The following SLCO4C1 variants were observed in gnomAD, a reference collection of about 807,000 sequenced individuals.
SLCO4C1 encodes the protein solute carrier organic anion transporter family member 4C1.
Under a neutral mutation model 72.1 loss-of-function variants are expected in SLCO4C1, and 58 were observed. The observed-to-expected ratio is 0.80, with a 90% CI of 0.65 to 1.00. The LOEUF is 1.00. Among genes scored for constraint, SLCO4C1 ranks in the 50% least tolerant of loss-of-function variants. SLCO4C1 has a pLI of 0.00. For synonymous variants in SLCO4C1, 297 were observed against 312.5 expected (o/e 0.95, Z 0.52); for missense variants, 898 against 857.9 (o/e 1.05, Z -0.58).
At chr5:102,295,848 G>C in intron 1 of SLCO4C1, 60 bp downstream of exon 1, 1 of 1,498,652 alleles carries the variant, frequency 6.7e-7, no homozygotes, top group Non-Finnish European at 9.0e-7. Flanking sequence ...CCCCCGGCTG[G>C]CTCGCCGTGC....
chr5:102,247,365 T>A lies in SLCO4C1; in HGVS notation c.1698A>T (p.Lys566Asn). 6.3e-7 allele frequency: 1 copy of A among 1,597,640 alleles called. No homozygotes were observed. The highest frequency in any genetic ancestry group is 1.7e-4 in the Middle Eastern group (1 of 6,016). ...CACAATGAGTTTCACATTTTCCAGC[T>A]TTAGCTTCAAAACCAAAAGTTTCTG... ...STAETFGFEA[K>N]AGKCETHCAK... Residue 566 changes from lysine to asparagine, a missense_variant, in exon 10 of 13, where the codon AAA becomes AAT. By Grantham distance (94) the Lys-to-Asn change is moderately conservative. Transcript: ENST00000310954.
intron 2 of SLCO4C1, among the ~76,000 whole-genome samples, chr5:102,277,170 G>A (rs1749261595): frequency 6.6e-6 from 1 of 152,024 alleles, no homozygotes. Context: ...GCTTGGCAAG[G>A]CAGAAAAATT....
At chr5:102,278,305 G>A (rs77967033) in intron 2 of SLCO4C1, among the ~76,000 whole-genome samples, 3,858 of 152,182 alleles carry the variant, frequency 0.025, 49 homozygotes, top group Middle Eastern at 0.051. Flanking sequence ...TTACCAAGAA[G>A]AGTAACATGT....
chr5:102,277,818 T>G (rs368170614), intron 2 of SLCO4C1, among the ~76,000 whole-genome samples: 2 of 148,312 alleles, frequency 1.3e-5, no homozygotes, highest in South Asian at 4.2e-4. Flanking sequence ...ATACATGTAA[T>G]GCAGTACCTA....
At position 102,270,671 on chromosome 5, in the gene SLCO4C1, G is replaced by T. The variant is rs770439268; in HGVS notation, c.755C>A (p.Ala252Asp). Residue 252 changes from alanine to aspartate, a missense_variant, in exon 3 of 13, where the codon GCC becomes GAC. Transcript: ENST00000310954. ...GGTPLYTLGT[A>D]FLDDSVPTHK... is the part of the protein sequence containing the mutation. ...TGTGGGCACAGAATCATCAAGAAAG[G>T]CTGTTCCCAGAGTATAAAGAGGAGT... The T allele has an allele frequency of 6.2e-7, 1 of 1,613,038 alleles. No homozygotes were observed. Among genetic ancestry groups the T allele is most frequent in the Non-Finnish European group, 8.5e-7 (1 of 1,179,424 alleles).
At chr5:102,254,595 C>T (rs1748799309) in intron 8 of SLCO4C1, among the ~76,000 whole-genome samples, 1 of 152,156 alleles carries the variant, frequency 6.6e-6, no homozygotes, top group African/African-American at 2.4e-5. Flanking sequence ...GCAACCACCA[C>T]CCTGGTCAGT....
intron 10 of SLCO4C1, among the ~76,000 whole-genome samples, chr5:102,242,700 T>C (rs948043367): frequency 6.6e-6 from 1 of 152,098 alleles, no homozygotes; most frequent in Non-Finnish European, 1.5e-5. Flanking sequence ...CCAGCACCAA[T>C]ACCCAGATAC....
intron 8 of SLCO4C1, among the ~76,000 whole-genome samples, chr5:102,254,358 C>G: frequency 6.6e-6 from 1 of 152,110 alleles, no homozygotes; most frequent in East Asian, 1.9e-4. Flanking sequence ...AGTACACGAT[C>G]AGTTTATGTC....
intron 2 of SLCO4C1, among the ~76,000 whole-genome samples, chr5:102,286,237 T>C (rs2112397305): frequency 6.6e-6 from 1 of 152,250 alleles, no homozygotes; most frequent in Non-Finnish European, 1.5e-5. Context: ...GAAACAAAGA[T>C]ATAGTGCAAC....
intron 3 of SLCO4C1, among the ~76,000 whole-genome samples, chr5:102,265,333 T>A (rs1033749805): frequency 2.0e-5 from 3 of 152,252 alleles, no homozygotes; most frequent in East Asian, 3.9e-4. Flanking sequence ...TATAGCCCCA[T>A]TTGTCTAATT....
Position 102,296,136 on chromosome 5 carries a change from T to C in SLCO4C1, c.127A>G (p.Asn43Asp), listed in dbSNP as rs1453434091. Residue 43 changes from asparagine to aspartate, a missense_variant, in exon 1 of 13, where the codon AAT becomes GAT. Asn to Asp is a conservative substitution (Grantham distance 23, BLOSUM62 1). Transcript: ENST00000310954. ...SALSSDPQRE[N>D]SQPQELQKPQ... ...TTCTGAAGCTCCTGTGGCTGAGAAT[T>C]CTCTCTTTGGGGGTCAGAGGACAAG... 6.2e-7 allele frequency: 1 copy of C among 1,614,036 alleles called. No homozygotes were observed. Among genetic ancestry groups the C allele is most frequent in the Non-Finnish European group, 8.5e-7 (1 of 1,179,982 alleles).
At chr5:102,253,229 C>T (rs1417913754) in intron 8 of SLCO4C1, among the ~76,000 whole-genome samples, 1 of 152,046 alleles carries the variant, frequency 6.6e-6, no homozygotes, top group African/African-American at 2.4e-5. Context: ...TATAGATTGT[C>T]AAGGCAACAA....
In SLCO4C1 at chr5:102,261,896, A is replaced by C. The variant is rs377532351; in HGVS notation, c.1021+16T>G. 13 of 1,604,242 alleles carry C rather than the reference A, an allele frequency of 8.1e-6. No homozygotes were observed. The African/African-American group carries it at 1.8e-4, about 22-fold the overall frequency. ...ATTAAAATAAACCTCTCTGGTTTTAAAGAAAGCATGTTTACCTGGTAAATG... is the reference window on the plus strand; with the variant it reads ...ATTAAAATAAACCTCTCTGGTTTTACAGAAAGCATGTTTACCTGGTAAATG... On this transcript the variant is annotated intron_variant, in intron 5 of 12. Coordinates refer to ENST00000310954, the MANE Select transcript of SLCO4C1 (RefSeq NM_180991.5).
intron 3 of SLCO4C1, 93 bp downstream of exon 3, chr5:102,270,531 T>A (rs1749130516): frequency 6.2e-6 from 7 of 1,123,468 alleles, no homozygotes; most frequent in Admixed American, 6.2e-5. Context: ...GCATTACAAC[T>A]AACTTTTTAG....
intron 8 of SLCO4C1, among the ~76,000 whole-genome samples, chr5:102,252,658 C>A (rs925872183): frequency 6.6e-6 from 1 of 152,110 alleles, no homozygotes; most frequent in Non-Finnish European, 1.5e-5. Context: ...TTACTGAGAT[C>A]ATACAAAGTA....
intron 1 of SLCO4C1, among the ~76,000 whole-genome samples, chr5:102,292,320 C>T (rs1749572534): frequency 6.6e-6 from 1 of 152,106 alleles, no homozygotes; most frequent in Admixed American, 6.5e-5. Context: ...GGACCTCACT[C>T]AGAAGACTAC....
intron 8 of SLCO4C1, among the ~76,000 whole-genome samples, chr5:102,256,831 G>T (rs1424700377): frequency 6.6e-6 from 1 of 152,044 alleles, no homozygotes; most frequent in Non-Finnish European, 1.5e-5. Context: ...GATGTGAATC[G>T]CTTAGAGGCA....
chr5:102,237,124 C>A, intron 12 of SLCO4C1, 106 bp from the exon 13 acceptor site: 2 of 1,139,548 alleles, frequency 1.8e-6, no homozygotes, highest in Non-Finnish European at 2.4e-6. Context: ...AGAATAATTA[C>A]ATAACCATTA....
chr5:102,273,398 TAA>T (rs1749189194), intron 2 of SLCO4C1, among the ~76,000 whole-genome samples: 1 of 152,182 alleles, frequency 6.6e-6, no homozygotes, highest in Non-Finnish European at 1.5e-5. Flanking sequence ...TATTCCCTTG[TAA>T]AGTCTGTGAA....
Sources: gnomAD v4.1 joint callset for allele counts (sites outside exome capture counted in the v4.1 genomes callset) on GRCh38, gnomAD v4.1.1 for gene constraint, MANE v1.5 for transcripts, NCBI Gene and HGNC (gene_info 2026-07-23, HGNC 2026-07-21) for gene names.